The following SDK1 variants were observed in gnomAD, a reference collection of about 807,000 sequenced individuals.
SDK1 encodes protein sidekick-1.
In SDK1, 157 loss-of-function variants were observed where a neutral mutation model predicts 245.5. The ratio of observed to expected loss-of-function variants is 0.64; its 90% CI spans 0.56 to 0.73. SDK1 has a LOEUF of 0.73. Ranked by LOEUF, SDK1 falls within the 30% of genes least tolerant of loss-of-function variation. The pLI is 0.00. For missense variants in SDK1, 3,583 were observed against 3,002.3 expected (o/e 1.19, Z -4.52); for synonymous variants, 1,647 against 1,278.5 (o/e 1.29, Z -6.15).
At chr7:4,175,306 G>A (rs532491809) in intron 33 of SDK1, among the ~76,000 whole-genome samples, 11 of 152,308 alleles carry the variant, frequency 7.2e-5, no homozygotes, top group East Asian at 3.9e-4. Context: ...GGGCTCTGTC[G>A]CAAAATCAAA....
intron 1 of SDK1, among the ~76,000 whole-genome samples, chr7:3,348,365 C>G (rs1338643680): frequency 1.3e-5 from 2 of 152,118 alleles, no homozygotes; most frequent in Non-Finnish European, 2.9e-5. Flanking sequence ...ACATCATGGA[C>G]TACTATGCAG....
intron 1 of SDK1, among the ~76,000 whole-genome samples, chr7:3,436,683 A>G (rs1313336569): frequency 6.6e-6 from 1 of 152,200 alleles, no homozygotes; most frequent in African/African-American, 2.4e-5. Flanking sequence ...ATCGTGTAAT[A>G]TTTTGAAGGT....
intron 1 of SDK1, among the ~76,000 whole-genome samples, chr7:3,482,961 T>C (rs1459555874): frequency 6.6e-6 from 1 of 151,636 alleles, no homozygotes; most frequent in Non-Finnish European, 1.5e-5. Flanking sequence ...TTCAAGTCTT[T>C]TTAATTCTCT....
At chr7:3,944,087 A>G (rs73674356) in intron 5 of SDK1, among the ~76,000 whole-genome samples, 6,415 of 152,294 alleles carry the variant, frequency 0.042, 361 homozygotes, top group African/African-American at 0.13. Flanking sequence ...GGAGTGTTCT[A>G]GTTAATTTTT....
chr7:4,239,204 A>G (rs981390456), intron 42 of SDK1, among the ~76,000 whole-genome samples: 66 of 152,354 alleles, frequency 4.3e-4, no homozygotes, highest in African/African-American at 1.6e-3. Context: ...AAAGCCAGCC[A>G]CAGAGAGCAC....
intron 1 of SDK1, among the ~76,000 whole-genome samples, chr7:3,398,642 T>TG (rs981689742): frequency 1.5e-5 from 2 of 135,998 alleles, no homozygotes; most frequent in African/African-American, 3.6e-5. Flanking sequence ...GATTTATTTA[T>TG]TATTTTATTT....
At chr7:3,607,123 C>G (rs534887975) in intron 1 of SDK1, among the ~76,000 whole-genome samples, 38 of 151,918 alleles carry the variant, frequency 2.5e-4, no homozygotes, top group Admixed American at 5.2e-4. Flanking sequence ...GGCCACTAGT[C>G]ACTACCTGCA....
intron 9 of SDK1, among the ~76,000 whole-genome samples, chr7:3,965,224 G>C (rs1016383796): frequency 6.6e-6 from 1 of 152,120 alleles, no homozygotes; most frequent in Non-Finnish European, 1.5e-5. Context: ...TTGGCCCCCA[G>C]GTTGTAGTTT....
At chr7:4,201,891 A>G (rs1419481207) in intron 35 of SDK1, among the ~76,000 whole-genome samples, 3 of 152,224 alleles carry the variant, frequency 2.0e-5, no homozygotes, top group Non-Finnish European at 2.9e-5. Flanking sequence ...TTCTGGCAAG[A>G]GTGGACACCT....
intron 44 of SDK1, among the ~76,000 whole-genome samples, chr7:4,262,788 CTCCCCTCCCT>C (rs1230004944): frequency 5.8e-5 from 5 of 86,422 alleles, no homozygotes; most frequent in Non-Finnish European, 1.2e-4. Flanking sequence ...ACCCCCTCTC[CTCCCCTCCCT>C]TCTACCTCAT....
chr7:3,451,942 C>A (rs906070313), intron 1 of SDK1, among the ~76,000 whole-genome samples: 1 of 152,120 alleles, frequency 6.6e-6, no homozygotes, highest in African/African-American at 2.4e-5. Flanking sequence ...AGGCTTCTCT[C>A]CTTATGAGCT....
intron 9 of SDK1, among the ~76,000 whole-genome samples, chr7:3,963,792 T>A (rs538169589): frequency 1.3e-5 from 2 of 151,878 alleles, no homozygotes; most frequent in East Asian, 3.9e-4. Context: ...CACAGCTACC[T>A]GACCTGGACG....
rs774536015 is a variant in SDK1, at chr7:4,049,444, G to A, written c.2699G>A (p.Gly900Asp). ...WNPPPQQFINGINQGYKLLAW... is the reference protein window; with the variant it reads ...WNPPPQQFINDINQGYKLLAW... Reference sequence around the variant, plus strand: ...CCTCCGCCTCAGCAGTTTATCAATGGCATCAACCAGGGATACAAGGTACGT... The same window carrying A: ...CCTCCGCCTCAGCAGTTTATCAATGACATCAACCAGGGATACAAGGTACGT... Residue 900 changes from glycine (G) to aspartate (D), a missense_variant, in exon 18 of 45, where the codon GGC becomes GAC. By Grantham distance (94) the Gly-to-Asp change is moderately conservative. Coordinates refer to ENST00000404826, the MANE Select transcript of SDK1 (RefSeq NM_152744.4). The A allele has an allele frequency of 6.2e-7, 1 of 1,613,750 alleles. No homozygotes were observed. The highest frequency in any genetic ancestry group is 8.5e-7 in the Non-Finnish European group (1 of 1,179,658).
intron 5 of SDK1, among the ~76,000 whole-genome samples, chr7:3,942,347 G>C (rs1213430732): frequency 6.6e-6 from 1 of 152,216 alleles, no homozygotes; most frequent in Non-Finnish European, 1.5e-5. Context: ...ACTCTGCAGA[G>C]ACGGGGCAGT....
chr7:4,215,207 C>G (rs1784726497), intron 38 of SDK1, among the ~76,000 whole-genome samples: 1 of 152,238 alleles, frequency 6.6e-6, no homozygotes, highest in African/African-American at 2.4e-5. Flanking sequence ...GCAGATCAGA[C>G]TCACTGAGTC....
chr7:3,716,069 G>A (rs1188513818), intron 4 of SDK1, among the ~76,000 whole-genome samples: 1 of 145,762 alleles, frequency 6.9e-6, no homozygotes, highest in Non-Finnish European at 1.5e-5. Context: ...TATGAGGATA[G>A]ATCAATAGAA....
chr7:4,226,478 C>T (rs1226565582), intron 40 of SDK1, among the ~76,000 whole-genome samples: 1 of 152,164 alleles, frequency 6.6e-6, no homozygotes, highest in South Asian at 2.1e-4. Context: ...CTTCCTTACA[C>T]CCCCCGCACA....
At chr7:3,453,216 G>T (rs1021631469) in intron 1 of SDK1, among the ~76,000 whole-genome samples, 1 of 152,154 alleles carries the variant, frequency 6.6e-6, no homozygotes, top group African/African-American at 2.4e-5. Context: ...CTTGCACTGT[G>T]GGAGTTTCCT....
intron 5 of SDK1, among the ~76,000 whole-genome samples, chr7:3,909,919 C>T (rs1030237000): frequency 6.6e-6 from 1 of 152,142 alleles, no homozygotes; most frequent in Non-Finnish European, 1.5e-5. Flanking sequence ...TATTATGCAT[C>T]TACACCCCGG....
Sources: gnomAD v4.1 joint callset for allele counts (sites outside exome capture counted in the v4.1 genomes callset) on GRCh38, gnomAD v4.1.1 for gene constraint, MANE v1.5 for transcripts, NCBI Gene and HGNC (gene_info 2026-07-23, HGNC 2026-07-21) for gene names.